The following TLN2 variants were observed in gnomAD, a reference collection of about 807,000 sequenced individuals.
The protein encoded by TLN2 is talin-2.
In TLN2, 118 loss-of-function variants were observed where a neutral mutation model predicts 294.7. The ratio of observed to expected loss-of-function variants is 0.40; its 90% CI spans 0.34 to 0.47. TLN2 has a LOEUF of 0.47. Ranked by LOEUF, TLN2 falls within the 20% of genes least tolerant of loss-of-function variation. The probability of loss-of-function intolerance (pLI) is 0.84; values close to 1 mark genes in which losing one functional copy is unlikely to be tolerated. For synonymous variants in TLN2, 1,431 were observed against 1,304.5 expected, an observed-to-expected ratio of 1.10 and a Z score of -2.09; for missense variants, 3,083 against 3,282.2, an observed-to-expected ratio of 0.94 and a Z score of 1.48.
intron 4 of TLN2, 85 bp downstream of exon 4, chr15:62,647,531 G>C (rs763128171): frequency 6.3e-7 from 1 of 1,578,226 alleles, no homozygotes; most frequent in East Asian, 2.2e-5. Flanking sequence ...GCTCCAAGTG[G>C]TACACAAGCC....
intron 45 of TLN2, among the ~76,000 whole-genome samples, chr15:62,790,293 A>G (rs1465503648): frequency 2.6e-5 from 4 of 152,314 alleles, no homozygotes; most frequent in African/African-American, 7.2e-5. Context: ...CATTACTGCT[A>G]TCCGTTTGAC....
At chr15:62,427,392 C>T (rs1289749995) in intron 1 of TLN2, among the ~76,000 whole-genome samples, 1 of 152,098 alleles carries the variant, frequency 6.6e-6, no homozygotes, top group Non-Finnish European at 1.5e-5. Flanking sequence ...AATACCTTGT[C>T]CTTGGTCTAG....
intron 3 of TLN2, among the ~76,000 whole-genome samples, chr15:62,623,490 A>G (rs776350361): frequency 3.3e-5 from 5 of 152,216 alleles, no homozygotes; most frequent in Admixed American, 2.6e-4. Context: ...TAATGATTCT[A>G]AGTTCACTCT....
chr15:62,632,301 G>A (rs1427875923), intron 3 of TLN2, among the ~76,000 whole-genome samples: 3 of 152,220 alleles, frequency 2.0e-5, no homozygotes, highest in Non-Finnish European at 4.4e-5. Context: ...TGGAAAGGTC[G>A]AGAAGGCCCC....
At chr15:62,774,947 T>C (rs913804439) in intron 42 of TLN2, among the ~76,000 whole-genome samples, 2 of 148,762 alleles carry the variant, frequency 1.3e-5, no homozygotes, top group East Asian at 4.0e-4. Flanking sequence ...TGTGTAGAAT[T>C]GCTGGCTTTT....
chr15:62,397,445 G>A (rs142343638), intron 1 of TLN2, among the ~76,000 whole-genome samples: 162 of 152,056 alleles, frequency 1.1e-3, no homozygotes, highest in African/African-American at 3.8e-3. Context: ...ATATTTTTTT[G>A]TAGAGACCAT....
intron 12 of TLN2, among the ~76,000 whole-genome samples, chr15:62,689,009 T>C (rs2057533843): frequency 6.6e-6 from 1 of 152,072 alleles, no homozygotes; most frequent in South Asian, 2.1e-4. Context: ...TATTGATATG[T>C]TAGGGCCCAA....
intron 45 of TLN2, 87 bp from the exon 46 acceptor site, chr15:62,792,554 A>G: frequency 6.5e-7 from 1 of 1,529,900 alleles, no homozygotes; most frequent in African/African-American, 1.4e-5. Context: ...CTCCCATAGG[A>G]CATAGGAGAA....
chr15:62,808,890 T>A (rs933601345), intron 51 of TLN2, among the ~76,000 whole-genome samples: 1 of 152,014 alleles, frequency 6.6e-6, no homozygotes, highest in African/African-American at 2.4e-5. Context: ...GGACTGGGGG[T>A]AAGTCAAGGG....
chr15:62,471,616 C>T (rs1222344641), intron 1 of TLN2, among the ~76,000 whole-genome samples: 2 of 152,144 alleles, frequency 1.3e-5, no homozygotes, highest in African/African-American at 2.4e-5. Flanking sequence ...ACAAGAGTTC[C>T]CTGAGGGCAA....
chr15:62,790,530 A>G (rs115265001), intron 45 of TLN2, among the ~76,000 whole-genome samples: 1 of 152,302 alleles, frequency 6.6e-6, no homozygotes, highest in African/African-American at 2.4e-5. Flanking sequence ...AACTGGTAAG[A>G]TCTTTTTTAC....
chr15:62,819,193 G>C (rs115692916), intron 52 of TLN2, among the ~76,000 whole-genome samples: 78 of 152,214 alleles, frequency 5.1e-4, no homozygotes, highest in African/African-American at 1.9e-3. Context: ...AATTTCAGGT[G>C]CATGTGTGTG....
At chr15:62,667,614 A>T (rs1293133095) in intron 9 of TLN2, among the ~76,000 whole-genome samples, 1 of 152,170 alleles carries the variant, frequency 6.6e-6, no homozygotes, top group East Asian at 1.9e-4. Context: ...TCTCCTTTTC[A>T]AGTGATAAAA....
In TLN2 at chr15:62,740,709, A is replaced by G. The variant is rs1303541495; in HGVS notation, c.3965A>G (p.Lys1322Arg). Residue 1322 changes from lysine (K) to arginine (R), a missense_variant, in exon 32 of 59, where the codon AAG (lysine) becomes AGG (arginine). Physicochemically the swap from Lys to Arg is conservative, Grantham distance 26. Transcript: ENST00000636159. ...MASSKLLLAAKSLSVDPGAPN... is the reference protein window; with the variant it reads ...MASSKLLLAARSLSVDPGAPN... ...TCCAGCAAGCTGCTGTTAGCTGCCA[A>G]GTCTCTCTCTGTAGATCCAGGAGCT... is the stretch of plus-strand genomic sequence containing the variant. 1.2e-6 allele frequency: 2 copies of G among 1,614,230 alleles called. No individual in the cohort carries two copies. Among genetic ancestry groups the G allele is most frequent in the Non-Finnish European group, 1.7e-6 (2 of 1,180,032 alleles).
In TLN2 at chr15:62,792,638, C is replaced by T; in HGVS notation, c.5737-3C>T. Reference sequence around the variant, plus strand: ...CTTCCCCATCCTGGGCTTGCCTCTGCAGATCGGATTCCAGATTCGCACTCG... The same window carrying T: ...CTTCCCCATCCTGGGCTTGCCTCTGTAGATCGGATTCCAGATTCGCACTCG... On this transcript the variant is annotated splice_region_variant and splice_polypyrimidine_tract_variant and intron_variant, in intron 45 of 58. Coordinates refer to ENST00000636159, the MANE Select transcript of TLN2 (RefSeq NM_015059.3). The T allele has an allele frequency of 1.2e-6, 2 of 1,612,774 alleles. No individual in the cohort carries two copies. The highest frequency in any genetic ancestry group is 2.2e-5 in the South Asian group (2 of 90,996).
intron 54 of TLN2, chr15:62,833,301 C>A: frequency 1.4e-6 from 1 of 699,322 alleles, no homozygotes; most frequent in Non-Finnish European, 2.3e-6. Flanking sequence ...GTGGCTTAAC[C>A]AAACTGACTT....
chr15:62,559,403 A>G (rs560890837), intron 1 of TLN2, among the ~76,000 whole-genome samples: 76 of 152,278 alleles, frequency 5.0e-4, no homozygotes, highest in Non-Finnish European at 6.5e-4. Flanking sequence ...GTTGTCCCCA[A>G]TGTTCAGCTA....
intron 7 of TLN2, 131 bp from the exon 8 acceptor site, chr15:62,655,810 TAAG>T: frequency 1.9e-6 from 2 of 1,062,462 alleles, no homozygotes; most frequent in Non-Finnish European, 2.6e-6. Context: ...AGTTCTAAAA[TAAG>T]AAATAACTAT....
At chr15:62,649,793 TAGAA>T (rs1004409932) in intron 4 of TLN2, among the ~76,000 whole-genome samples, 2 of 152,186 alleles carry the variant, frequency 1.3e-5, no homozygotes, top group African/African-American at 2.4e-5. Flanking sequence ...CAAATTCAGT[TAGAA>T]AGAAATTTGG....
Sources: allele counts gnomAD v4.1 joint callset (sites outside exome capture counted in the v4.1 genomes callset), GRCh38; gene constraint gnomAD v4.1.1; transcripts MANE v1.5; gene names NCBI Gene and HGNC (gene_info 2026-07-23, HGNC 2026-07-21).